EML1: variants seen among roughly 807,000 people sequenced by gnomAD.
The protein encoded by EML1 is EMAP like 1.
EML1 carries 27 observed loss-of-function variants against 110.4 expected under a neutral mutation model. The observed-to-expected ratio is 0.24, with a 90% CI of 0.18 to 0.34. The LOEUF is 0.34. Among genes scored for constraint, EML1 ranks in the 10% least tolerant of loss-of-function variants. EML1 has a pLI of 1.00. For missense variants in EML1, 741 were observed against 1,030.9 expected (o/e 0.72, Z 3.85); for synonymous variants, 344 against 385.8 (o/e 0.89, Z 1.27).
At chr14:99,787,906 A>G (rs1216166276) in intron 1 of EML1, among the ~76,000 whole-genome samples, 1 of 152,206 alleles carries the variant, frequency 6.6e-6, no homozygotes, top group South Asian at 2.1e-4. Flanking sequence ...TAAAGGCCCC[A>G]TCTTCAAGTA....
At chr14:99,822,476 C>T (rs2058280854) in intron 1 of EML1, among the ~76,000 whole-genome samples, 2 of 152,176 alleles carry the variant, frequency 1.3e-5, no homozygotes, top group Admixed American at 6.5e-5. Flanking sequence ...TTATTGTTCT[C>T]ACCAGTGCTC....
intron 1 of EML1, among the ~76,000 whole-genome samples, chr14:99,748,746 A>G (rs1037739829): frequency 6.6e-6 from 1 of 152,242 alleles, no homozygotes; most frequent in South Asian, 2.1e-4. Flanking sequence ...TTGTGCAACC[A>G]TCACCACAAT....
intron 1 of EML1, among the ~76,000 whole-genome samples, chr14:99,767,401 C>T (rs2057378584): frequency 6.6e-6 from 1 of 152,172 alleles, no homozygotes; most frequent in East Asian, 1.9e-4. Context: ...CAGGATATGG[C>T]GACCATCCTG....
At chr14:99,780,455 T>A (rs1327594543) in intron 1 of EML1, among the ~76,000 whole-genome samples, 1 of 152,168 alleles carries the variant, frequency 6.6e-6, no homozygotes, top group East Asian at 1.9e-4. Flanking sequence ...CCTCCCCTTT[T>A]CCTATTTTCC....
rs147310364 is a variant in EML1 at position 99,810,367 on chromosome 14, G to C, written c.67+16824G>C. Among the ~76,000 whole-genome samples, 251 of 152,306 alleles carry C rather than the reference G, an allele frequency of 1.6e-3. 1 individual carries two copies. The highest frequency in any genetic ancestry group is 5.7e-3 in the African/African-American group (236 of 41,562). Reference sequence around the variant, plus strand: ...AAGACCTGTGCTTGGCTTGTGAAAAGTAGCAGTGACACTTCACATGAGTGT... The same window carrying C: ...AAGACCTGTGCTTGGCTTGTGAAAACTAGCAGTGACACTTCACATGAGTGT... On this transcript the variant is annotated intron_variant, in intron 1 of 21. Coordinates refer to ENST00000262233, the MANE Select transcript of EML1 (RefSeq NM_004434.3).
chr14:99,754,648 T>C (rs578112620), intron 1 of EML1, among the ~76,000 whole-genome samples: 8 of 152,320 alleles, frequency 5.3e-5, no homozygotes, highest in African/African-American at 1.4e-4. Flanking sequence ...AGTTTTGTTT[T>C]GAGGACAAAT....
At chr14:99,744,403 C>T (rs867072740) in intron 1 of EML1, among the ~76,000 whole-genome samples, 3 of 152,184 alleles carry the variant, frequency 2.0e-5, no homozygotes, top group Non-Finnish European at 4.4e-5. Context: ...GGAAGTAACC[C>T]ACCTTGCCAC....
intron 13 of EML1, 120 bp downstream of exon 13, chr14:99,911,696 T>G: frequency 1.9e-6 from 2 of 1,078,018 alleles, no homozygotes; most frequent in Non-Finnish European, 2.6e-6. Flanking sequence ...TCACATTATA[T>G]GGGAGCAATG....
intron 1 of EML1, among the ~76,000 whole-genome samples, chr14:99,741,812 G>C (rs1018921514): frequency 2.0e-5 from 3 of 152,192 alleles, no homozygotes; most frequent in African/African-American, 7.2e-5. Flanking sequence ...GCCTGGCGTG[G>C]TGTCCCTTCC....
At chr14:99,909,063 TGGCCCTGGGAGA>T (rs1175015844) in intron 10 of EML1, among the ~76,000 whole-genome samples, 1 of 152,174 alleles carries the variant, frequency 6.6e-6, no homozygotes, top group Admixed American at 6.5e-5. Context: ...ACCCCATGCC[TGGCCCTGGGAGA>T]GGCCCTGGCA....
rs1165151201 is a variant in EML1, at chr14:99,939,177, GTTTGTGGTC to G, written c.2192-14_2192-6del. On this transcript the variant is annotated splice_polypyrimidine_tract_variant and intron_variant, in intron 20 of 21. Coordinates refer to ENST00000262233, the MANE Select transcript of EML1 (RefSeq NM_004434.3). The surrounding 1 kb of genome is among the most constrained non-coding windows in gnomAD (Gnocchi z 4.2). ...TGGCCCCTGGTGTTTCCAGCGCCCT[GTTTGTGGTC>G]TTTGTTTTAGGAGTGTGGCCAGAAG... The G allele has an allele frequency of 3.3e-5, 53 of 1,613,552 alleles. No homozygotes were observed. The highest frequency in any genetic ancestry group is 4.5e-5 in the Non-Finnish European group (53 of 1,179,746).
chr14:99,793,671 C>G, intron 1 of EML1, 128 bp downstream of exon 1: 1 of 657,364 alleles, frequency 1.5e-6, no homozygotes, highest in Non-Finnish European at 1.9e-6. Context: ...AAAGTTGTTG[C>G]GGAGGGGCGC....
intron 1 of EML1, among the ~76,000 whole-genome samples, chr14:99,756,073 G>T (rs1197349627): frequency 1.3e-5 from 2 of 152,236 alleles, no homozygotes; most frequent in Non-Finnish European, 2.9e-5. Flanking sequence ...CTCACCCCAG[G>T]ATGGCTTTCA....
chr14:99,826,858 A>G (rs2058369336), intron 1 of EML1, among the ~76,000 whole-genome samples: 1 of 152,250 alleles, frequency 6.6e-6, no homozygotes, highest in African/African-American at 2.4e-5. Flanking sequence ...GTAGGACTTC[A>G]TCAGGACTGG....
intron 3 of EML1, among the ~76,000 whole-genome samples, chr14:99,869,168 A>AT (rs1471058855): frequency 2.0e-5 from 3 of 152,002 alleles, no homozygotes; most frequent in East Asian, 3.8e-4. Context: ...GAGATACCAC[A>AT]TTTTTTTTAC....
In EML1 at chr14:99,809,554, A is replaced by G. The variant is rs2058039289; in HGVS notation, c.67+16011A>G. On this transcript the variant is annotated intron_variant, in intron 1 of 21. Coordinates refer to ENST00000262233, the MANE Select transcript of EML1 (RefSeq NM_004434.3). ...CTGGGAACCTCGGCCGTGCACTGCC[A>G]GCTTTCTGGGTCCATCCCAGCCCTG... is the stretch of plus-strand genomic sequence containing the variant. 2.5e-5 allele frequency: 11 copies of G among 440,948 alleles called. No homozygotes were observed. In the Admixed American group the frequency reaches 2.7e-4, roughly 11 times the overall value. 27.3% of individuals were successfully genotyped at this position (440,948 alleles called of 1,614,324 possible).
Position 99,909,545 on chromosome 14 carries a change from T to A in EML1, c.1239+66T>A. 8.2e-6 allele frequency: 13 copies of A among 1,591,528 alleles called. No individual in the cohort carries two copies. In the South Asian group the frequency reaches 1.5e-4, roughly 18 times the overall value. On this transcript the variant is annotated intron_variant, in intron 11 of 21. Transcript: ENST00000262233. The stretch of plus-strand genomic sequence containing the variant: ...ATATGTGATTGGCTAGATGCATCTC[T>A]CTGGGGGCTCTGGTGATCAACACAA...
At position 99,940,264 on chromosome 14, in the gene EML1, C is replaced by T. The variant is rs1179470053; in HGVS notation, c.*152C>T. ...CGGCTACCTTAGCTTAGCGTGTCAG[C>T]GGGCGCCACAGCGGATCAGCGGTTC... On this transcript the variant is annotated 3_prime_UTR_variant, in exon 22 of 22. Transcript: ENST00000262233. 1.2e-5 allele frequency: 13 copies of T among 1,091,258 alleles called. No homozygotes were observed. The highest frequency in any genetic ancestry group is 4.8e-5 in the African/African-American group (3 of 62,002). The allele number at this position is 1,091,258 out of a possible 1,614,324, so 67.6% of individuals were successfully genotyped here. A position where few individuals can be genotyped will look rare whatever the true frequency, so the allele number is the denominator to read the frequency against.
intron 1 of EML1, among the ~76,000 whole-genome samples, chr14:99,824,770 C>A (rs553231494): frequency 6.6e-6 from 1 of 152,046 alleles, no homozygotes; most frequent in Admixed American, 6.5e-5. Flanking sequence ...AATCCTCCCC[C>A]CTCCTACCCT....
Sources: allele counts gnomAD v4.1 joint callset (sites outside exome capture counted in the v4.1 genomes callset), GRCh38; gene constraint gnomAD v4.1.1; non-coding constraint Gnocchi (gnomAD v3.1); transcripts MANE v1.5; gene names NCBI Gene and HGNC (gene_info 2026-07-23, HGNC 2026-07-21).